The following MCM3AP variants were observed in gnomAD, a reference collection of about 807,000 sequenced individuals.
The protein encoded by MCM3AP is minichromosome maintenance complex component 3 associated protein.
Under a neutral mutation model 184.1 loss-of-function variants are expected in MCM3AP, and 126 were observed. The observed-to-expected ratio is 0.68, with a 90% CI of 0.59 to 0.79. MCM3AP has a LOEUF of 0.79. Among genes scored for constraint, MCM3AP ranks in the 30% least tolerant of loss-of-function variants. The pLI, the probability that MCM3AP is intolerant of heterozygous loss-of-function variation, is 0.00. For missense variants in MCM3AP, 2,496 were observed against 2,479.2 expected, an observed-to-expected ratio of 1.01 and a Z score of -0.14; for synonymous variants, 1,002 against 979.3, an observed-to-expected ratio of 1.02 and a Z score of -0.43.
At chr21:46,241,354 G>T in intron 25 of MCM3AP, 3 of 216,216 alleles carry the variant, frequency 1.4e-5, no homozygotes, top group East Asian at 1.1e-4. Context: ...CCCACCCTAG[G>T]GTTCCAGATT....
intron 17 of MCM3AP, among the ~76,000 whole-genome samples, chr21:46,255,852 C>T (rs1043342407): frequency 6.6e-6 from 1 of 151,882 alleles, no homozygotes; most frequent in Non-Finnish European, 1.5e-5. Flanking sequence ...AGGGGGGACA[C>T]AAGAAGCCAT....
intron 15 of MCM3AP, 30 bp downstream of exon 15, chr21:46,260,763 G>A: frequency 2.0e-6 from 3 of 1,502,168 alleles, no homozygotes; most frequent in Non-Finnish European, 1.9e-6. Flanking sequence ...TCACTCTCCT[G>A]GCACAGCAAG....
chr21:46,277,527 C>G lies in MCM3AP; in HGVS notation c.1858G>C (p.Ala620Pro). ...GAACCTCTGCCACCAAGTGCCATAC[C>G]TTGCCGCATGATCCTGTCTCTCTGG... ...LDQRDRIMRQ[A>P]RVKRTDLDKA... Residue 620 changes from alanine (A) to proline (P), a missense_variant and splice_region_variant, in exon 5 of 28, where the codon GCT becomes CCT. Around this residue, in one of 5 missense-constraint regions of MCM3AP, gnomAD observed 130 missense variants for 199.8 expected, o/e 0.65. Transcript: ENST00000291688. The G allele has an allele frequency of 1.3e-6, 2 of 1,564,796 alleles. No individual in the cohort carries two copies. Among genetic ancestry groups the G allele is most frequent in the Non-Finnish European group, 1.7e-6 (2 of 1,155,316 alleles).
intron 2 of MCM3AP, among the ~76,000 whole-genome samples, chr21:46,282,859 G>A (rs1177578276): frequency 6.6e-6 from 1 of 152,026 alleles, no homozygotes; most frequent in Non-Finnish European, 1.5e-5. Flanking sequence ...TTAAAGTCAG[G>A]ATACAAACCC....
chr21:46,273,573 C>T lies in MCM3AP; in HGVS notation c.2011G>A (p.Ala671Thr). The T allele has an allele frequency of 1.9e-6, 3 of 1,613,718 alleles. No homozygotes were observed. In the South Asian group the frequency reaches 3.3e-5, roughly 18 times the overall value. Residue 671 changes from alanine to threonine, a missense_variant, in exon 7 of 28, where the codon GCA (alanine) becomes ACA (threonine). Coordinates refer to ENST00000291688, the MANE Select transcript of MCM3AP (RefSeq NM_003906.5). ...GACCGACTGTACTCTTTCACAGCTG[C>T]TGCGTGGTCCACCTAGAGACATGAA... ...VPGTDQVDHA[A>T]AVKEYSRSSA...
At chr21:46,269,174 G>A (rs2081149361) in intron 9 of MCM3AP, among the ~76,000 whole-genome samples, 1 of 152,044 alleles carries the variant, frequency 6.6e-6, no homozygotes, top group Non-Finnish European at 1.5e-5. Context: ...GCTGGAGAGT[G>A]CAGATCTTGG....
chr21:46,257,150 G>A (rs141609917), intron 16 of MCM3AP, among the ~76,000 whole-genome samples, 164 bp from the exon 17 acceptor site: 59 of 152,318 alleles, frequency 3.9e-4, no homozygotes, highest in African/African-American at 1.4e-3. Context: ...AGCTTTGGAG[G>A]CTGACTTGGC....
intron 13 of MCM3AP, among the ~76,000 whole-genome samples, chr21:46,263,284 T>G (rs542519451): frequency 1.3e-5 from 2 of 149,386 alleles, no homozygotes; most frequent in African/African-American, 2.5e-5. Flanking sequence ...GAGCCAAGAT[T>G]GTGCCACTGC....
rs1489923598 is a variant in MCM3AP at position 46,284,296 on chromosome 21, G to A, written c.991C>T (p.Arg331Ter). Reference protein sequence around the residue: ...PPDKRPVRLNRPRGGTLFGRT... With the variant: ...PPDKRPVRLN Reference sequence around the variant, plus strand: ...CCAAATAAAGTACCTCCCCGGGGTCGATTCAGGCGGACAGGTCGTTTGTCT... The same window carrying A: ...CCAAATAAAGTACCTCCCCGGGGTCAATTCAGGCGGACAGGTCGTTTGTCT... Residue 331 changes from arginine (R) to a stop codon, truncating the protein, a stop_gained, in exon 1 of 28, where the codon CGA becomes TGA. Coordinates refer to ENST00000291688, the MANE Select transcript of MCM3AP (RefSeq NM_003906.5). LOFTEE classifies it high-confidence loss of function. 6.2e-7 allele frequency: 1 copy of A among 1,614,058 alleles called. No homozygotes were observed. The highest frequency in any genetic ancestry group is 8.5e-7 in the Non-Finnish European group (1 of 1,180,042).
chr21:46,246,676 G>C lies in MCM3AP; in HGVS notation c.4501C>G (p.Leu1501Val), dbSNP rs373818201. The change falls in exon 21 of 28, where the codon CTT (leucine) becomes GTT (valine). Residue 1501 changes from leucine to valine, a missense_variant. Physicochemically the swap from Leu to Val is conservative, Grantham distance 32. Transcript: ENST00000291688. ...GCGTCCCCTCCTGGGCTAGGCACAA[G>C]AACCACCAGAGGAAGCGCAGGCTGG... Reference protein sequence around the residue: ...PFQPALPLVVLVPSPGGDAVE... With the variant: ...PFQPALPLVVVVPSPGGDAVE... 1.2e-6 allele frequency: 2 copies of C among 1,614,046 alleles called. No homozygotes were observed. The highest frequency in any genetic ancestry group is 2.7e-5 in the African/African-American group (2 of 74,952).
At position 46,266,029 on chromosome 21, in the gene MCM3AP, C is replaced by G; in HGVS notation, c.2927G>C (p.Arg976Pro). ...VNGGPLPPVP[R>P]HTPVCSFNSQ... ...GTTGAAGCTGCACACAGGGGTATGA[C>G]GAGGGACGGGGGGCAATGGCCCTCC... Residue 976 changes from arginine (R) to proline (P), a missense_variant, in exon 11 of 28, where the codon CGT (arginine) becomes CCT (proline). Coordinates refer to ENST00000291688, the MANE Select transcript of MCM3AP (RefSeq NM_003906.5). 1 of 1,611,954 alleles carries G rather than the reference C, an allele frequency of 6.2e-7. No individual in the cohort carries two copies. Among genetic ancestry groups the G allele is most frequent in the South Asian group, 1.1e-5 (1 of 90,172 alleles).
intron 4 of MCM3AP, among the ~76,000 whole-genome samples, chr21:46,278,737 A>C (rs531631660): frequency 2.4e-4 from 37 of 151,802 alleles, no homozygotes; most frequent in African/African-American, 8.9e-4. Context: ...GCAGTGGCGC[A>C]ATCTCGGCTC....
intron 24 of MCM3AP, 35 bp from the exon 25 acceptor site, chr21:46,242,966 A>G: frequency 1.3e-6 from 2 of 1,523,298 alleles, no homozygotes; most frequent in Non-Finnish European, 1.8e-6. Flanking sequence ...TAAAGAGGCC[A>G]GCCTGGCCAA....
intron 6 of MCM3AP, among the ~76,000 whole-genome samples, chr21:46,274,415 A>G (rs912999772): frequency 3.3e-5 from 5 of 152,244 alleles, no homozygotes; most frequent in African/African-American, 9.6e-5. Context: ...TAATAGAACT[A>G]AAAATTTAGA....
chr21:46,265,638 G>A, intron 11 of MCM3AP, 115 bp from the exon 12 acceptor site: 1 of 877,930 alleles, frequency 1.1e-6, no homozygotes, highest in Non-Finnish European at 1.7e-6. Flanking sequence ...CCTGAGGACT[G>A]GCCTGCCCTC....
At chr21:46,265,659 G>C in intron 11 of MCM3AP, 136 bp from the exon 12 acceptor site, 1 of 774,742 alleles carries the variant, frequency 1.3e-6, no homozygotes, top group Non-Finnish European at 2.0e-6. Context: ...CAGGAGACCA[G>C]CTACGTGGGA....
chr21:46,251,321 CTGGGCT>C (rs1222450472), intron 20 of MCM3AP: 3 of 418,024 alleles, frequency 7.2e-6, no homozygotes, highest in Non-Finnish European at 1.3e-5. Context: ...AAGAAGCAGG[CTGGGCT>C]TGGTGCCCAC....
At position 46,265,988 on chromosome 21, in the gene MCM3AP, T is replaced by C; in HGVS notation, c.2968A>G (p.Ile990Val). The change falls in exon 11 of 28, where the codon ATC (isoleucine) becomes GTC (valine). Residue 990 changes from isoleucine to valine, a missense_variant. Around this residue, in one of 5 missense-constraint regions of MCM3AP, gnomAD observed 1,323 missense variants for 1,273.4 expected, o/e 1.04. Transcript: ENST00000291688. ...VCSFNSQNKYIGESLAAELPV... is the reference protein window; with the variant it reads ...VCSFNSQNKYVGESLAAELPV... Reference sequence around the variant, plus strand: ...AGCTCCGCGGCCAGGCTCTCCCCGATGTACTTGTTCTGGGAGTTGAAGCTG... The same window carrying C: ...AGCTCCGCGGCCAGGCTCTCCCCGACGTACTTGTTCTGGGAGTTGAAGCTG... 6.2e-7 allele frequency: 1 copy of C among 1,607,542 alleles called. No homozygotes were observed. Among genetic ancestry groups the C allele is most frequent in the Non-Finnish European group, 8.5e-7 (1 of 1,176,482 alleles).
Position 46,256,995 on chromosome 21 carries a change from A to T in MCM3AP, c.3735-9T>A. 1 of 1,607,274 alleles carries T rather than the reference A, an allele frequency of 6.2e-7. No homozygotes were observed. The highest frequency in any genetic ancestry group is 8.5e-7 in the Non-Finnish European group (1 of 1,176,134). On this transcript the variant is annotated splice_polypyrimidine_tract_variant and intron_variant, in intron 16 of 27. Coordinates refer to ENST00000291688, the MANE Select transcript of MCM3AP (RefSeq NM_003906.5). ...TGACAGCTTCCCTCCACCTGGGGACATGAAAATGTATCATCACAGAGTGTT... is the reference window on the plus strand; with the variant it reads ...TGACAGCTTCCCTCCACCTGGGGACTTGAAAATGTATCATCACAGAGTGTT...
Sources: allele counts gnomAD v4.1 joint callset (sites outside exome capture counted in the v4.1 genomes callset), GRCh38; gene constraint gnomAD v4.1.1; regional missense constraint gnomAD v4.1.1; transcripts MANE v1.5; gene names NCBI Gene and HGNC (gene_info 2026-07-23, HGNC 2026-07-21).